The following SEC11C variants were observed in gnomAD, a reference collection of about 807,000 sequenced individuals.
The protein encoded by SEC11C is signal peptidase complex catalytic subunit SEC11C.
A neutral mutation model predicts 21.9 loss-of-function variants in SEC11C; 10 were observed. That is an observed-to-expected ratio of 0.46 (90% CI 0.28 to 0.77). The LOEUF (loss-of-function observed/expected upper bound fraction) is 0.77. Among genes scored for constraint, SEC11C ranks in the 30% least tolerant of loss-of-function variants. The probability of loss-of-function intolerance (pLI) is 0.12; values close to 1 mark genes in which losing one functional copy is unlikely to be tolerated. For missense variants in SEC11C, 145 were observed against 244.5 expected, an observed-to-expected ratio of 0.59 and a Z score of 2.71; for synonymous variants, 83 against 85.6, an observed-to-expected ratio of 0.97 and a Z score of 0.17.
intron 1 of SEC11C, 131 bp downstream of exon 1, chr18:59,140,166 C>A: frequency 2.7e-6 from 2 of 728,622 alleles, no homozygotes; most frequent in Non-Finnish European, 4.4e-6. Flanking sequence ...CCGCGCTGGG[C>A]TCTCAGGCCC....
In SEC11C at chr18:59,158,784, C is replaced by G; in HGVS notation, c.*99C>G. 2.9e-6 allele frequency: 3 copies of G among 1,022,510 alleles called. No individual in the cohort carries two copies. The highest frequency in any genetic ancestry group is 3.0e-6 in the Non-Finnish European group (2 of 660,542). The allele number at this position is 1,022,510 out of a possible 1,614,324, so 63.3% of individuals were successfully genotyped here. On this transcript the variant is annotated 3_prime_UTR_variant, in exon 6 of 6. Transcript: ENST00000587834. ...GTTCCATTTTCTGTATAAAAGGGAACAGTGTGGAGATGTTTTTGTCTTGTC... is the reference window on the plus strand; with the variant it reads ...GTTCCATTTTCTGTATAAAAGGGAAGAGTGTGGAGATGTTTTTGTCTTGTC...
intron 1 of SEC11C, among the ~76,000 whole-genome samples, chr18:59,145,025 G>C (rs1000495686): frequency 1.3e-5 from 2 of 152,186 alleles, no homozygotes; most frequent in Non-Finnish European, 2.9e-5. Context: ...ACAGCTATGA[G>C]CAAGGCTGAA....
At chr18:59,153,868 G>A (rs564223143) in intron 3 of SEC11C, among the ~76,000 whole-genome samples, 114 of 151,978 alleles carry the variant, frequency 7.5e-4, no homozygotes, top group African/African-American at 2.5e-3. Context: ...CACCACACCC[G>A]GCTAATTTTT....
chr18:59,158,811 A>G lies in SEC11C; in HGVS notation c.*126A>G. 1 of 777,688 alleles carries G rather than the reference A, an allele frequency of 1.3e-6. No homozygotes were observed. 48.2% of individuals were successfully genotyped at this position (777,688 alleles called of 1,614,324 possible). ...GTGTGGAGATGTTTTTGTCTTGTCC[A>G]AATAAAAGATTCACCAGTAAAGATG... On this transcript the variant is annotated 3_prime_UTR_variant, in exon 6 of 6. Coordinates refer to ENST00000587834, the MANE Select transcript of SEC11C (RefSeq NM_033280.4).
At position 59,155,390 on chromosome 18, in the gene SEC11C, G is replaced by C. The variant is rs543108606; in HGVS notation, c.348-298G>C. The stretch of plus-strand genomic sequence containing the variant: ...TTCCCAGAAGCCATGTGGTAAGAAG[G>C]AATTCTTCATTGTGTGCTGTGCTGG... On this transcript the variant is annotated intron_variant, in intron 3 of 5. Coordinates refer to ENST00000587834, the MANE Select transcript of SEC11C (RefSeq NM_033280.4). Among the ~76,000 whole-genome samples the C allele has an allele frequency of 5.3e-5, 8 of 152,318 alleles. No individual in the cohort carries two copies. In the South Asian group the frequency reaches 8.3e-4, roughly 16 times the overall value.
chr18:59,149,124 G>A (rs1332857513), intron 1 of SEC11C, among the ~76,000 whole-genome samples: 3 of 151,952 alleles, frequency 2.0e-5, no homozygotes, highest in Non-Finnish European at 4.4e-5. Context: ...GTGGATCTGG[G>A]TTAGACCTGT....
At chr18:59,155,076 CAAAT>C (rs377626156) in intron 3 of SEC11C, among the ~76,000 whole-genome samples, 52 of 152,182 alleles carry the variant, frequency 3.4e-4, no homozygotes, top group African/African-American at 1.2e-3. Flanking sequence ...AACAAACAAA[CAAAT>C]AAATAAACAA....
intron 3 of SEC11C, among the ~76,000 whole-genome samples, chr18:59,154,817 G>C (rs2069401017): frequency 6.6e-6 from 1 of 152,218 alleles, no homozygotes; most frequent in Admixed American, 6.5e-5. Context: ...TGTAATCCCA[G>C]CACTTTGGGA....
At chr18:59,140,540 C>T (rs11152124) in intron 1 of SEC11C, among the ~76,000 whole-genome samples, 41,721 of 152,140 alleles carry the variant, frequency 0.27, 6,042 homozygotes, top group East Asian at 0.45. Context: ...TGTTTTTCCC[C>T]TGACCGTGGG....
At chr18:59,153,540 T>C (rs368645676) in intron 3 of SEC11C, among the ~76,000 whole-genome samples, 1 of 152,090 alleles carries the variant, frequency 6.6e-6, no homozygotes, top group Non-Finnish European at 1.5e-5. Context: ...TGGTATTAGA[T>C]TCCCATTCCA....
rs781070697 is a variant in SEC11C at position 59,158,700 on chromosome 18, C to A, written c.*15C>A. 1 of 1,603,054 alleles carries A rather than the reference C, an allele frequency of 6.2e-7. No individual in the cohort carries two copies. Among genetic ancestry groups the A allele is most frequent in the Non-Finnish European group, 8.5e-7 (1 of 1,170,188 alleles). On this transcript the variant is annotated 3_prime_UTR_variant, in exon 6 of 6. Coordinates refer to ENST00000587834, the MANE Select transcript of SEC11C (RefSeq NM_033280.4). ...GTGAATCCTAAAATGAGAAGCAGTT[C>A]CTGGGACCAGATTGAAATGAATTCT...
chr18:59,141,440 T>C lies in SEC11C; in HGVS notation c.87+1405T>C, dbSNP rs900143188. 2.0e-5 allele frequency among the ~76,000 whole-genome samples: 3 copies of C among 152,180 alleles called. No homozygotes were observed. In the East Asian group the frequency reaches 5.8e-4, roughly 29 times the overall value. On this transcript the variant is annotated intron_variant, in intron 1 of 5. Coordinates refer to ENST00000587834, the MANE Select transcript of SEC11C (RefSeq NM_033280.4). ...CTGGGTTTTTAAAGTGTCTCTAAAA[T>C]TGGTACTGATTACTGATGGCTATAA...
At chr18:59,158,334 G>C (rs1228534655) in intron 5 of SEC11C, among the ~76,000 whole-genome samples, 1 of 152,044 alleles carries the variant, frequency 6.6e-6, no homozygotes, top group Admixed American at 6.6e-5. Context: ...GGGATTACAG[G>C]CGTGTATCCA....
intron 1 of SEC11C, among the ~76,000 whole-genome samples, chr18:59,141,664 C>CTTTTTTT: frequency 6.8e-6 from 1 of 146,308 alleles, no homozygotes; most frequent in Non-Finnish European, 1.5e-5. Flanking sequence ...AAAGCTTTGT[C>CTTTTTTT]TTTTTTTTTT....
chr18:59,156,671 C>G (rs775411268), intron 4 of SEC11C: 2 of 151,744 alleles, frequency 1.3e-5, no homozygotes, highest in East Asian at 4.0e-4. Flanking sequence ...TCTTGGCAAC[C>G]CTTTTTATGT....
chr18:59,141,912 T>C (rs951455005), intron 1 of SEC11C, among the ~76,000 whole-genome samples: 1 of 152,240 alleles, frequency 6.6e-6, no homozygotes, highest in African/African-American at 2.4e-5. Flanking sequence ...CTTAAAACTC[T>C]TAGACATTGG....
rs887950010 is a variant in SEC11C at position 59,152,880 on chromosome 18, G to C, written c.347+195G>C. On this transcript the variant is annotated intron_variant, in intron 3 of 5. Coordinates refer to ENST00000587834, the MANE Select transcript of SEC11C (RefSeq NM_033280.4). ...TTAAACCCATAGTAACTCACAAAGT[G>C]ATTATGAGAATTAAATGAACTAATG... 6.7e-6 allele frequency: 3 copies of C among 445,694 alleles called. No homozygotes were observed. In the Admixed American group the frequency reaches 1.2e-4, roughly 18 times the overall value. 27.6% of individuals were successfully genotyped at this position (445,694 alleles called of 1,614,324 possible). A position where few individuals can be genotyped will look rare whatever the true frequency, so the allele number is the denominator to read the frequency against.
intron 1 of SEC11C, chr18:59,146,979 C>G (rs2069283975): frequency 6.6e-6 from 1 of 152,200 alleles, no homozygotes; most frequent in African/African-American, 2.4e-5. Context: ...GATTCCCACT[C>G]CAGCAGCTTT....
At chr18:59,149,993 G>A (rs183451546) in intron 2 of SEC11C, among the ~76,000 whole-genome samples, 1 of 151,718 alleles carries the variant, frequency 6.6e-6, no homozygotes, top group East Asian at 1.9e-4. Context: ...GAGAGAGCCT[G>A]TATCCCCAGT....
Sources: allele counts gnomAD v4.1 joint callset (sites outside exome capture counted in the v4.1 genomes callset), GRCh38; gene constraint gnomAD v4.1.1; transcripts MANE v1.5; gene names NCBI Gene and HGNC (gene_info 2026-07-23, HGNC 2026-07-21).